NIPAL3: variants seen among roughly 807,000 people sequenced by gnomAD.
NIPAL3 encodes NIPA-like protein 3.
In NIPAL3, 41 loss-of-function variants were observed where a neutral mutation model predicts 47.2. The ratio of observed to expected loss-of-function variants is 0.87; its 90% CI spans 0.68 to 1.13. NIPAL3 has a LOEUF of 1.13. Ranked by LOEUF, NIPAL3 falls within the 50% of genes most tolerant of loss-of-function variation. NIPAL3 has a pLI of 0.00. For synonymous variants in NIPAL3, 194 were observed against 209.6 expected (o/e 0.93, Z 0.64); for missense variants, 449 against 530.1 (o/e 0.85, Z 1.50).
At chr1:24,459,799 G>T (rs1034251537) in intron 9 of NIPAL3, among the ~76,000 whole-genome samples, 2 of 152,242 alleles carry the variant, frequency 1.3e-5, no homozygotes, top group Non-Finnish European at 2.9e-5. Flanking sequence ...GTCAAGAAGC[G>T]TGAAGTCCAG....
Position 24,454,167 on chromosome 1 carries a change from C to T in NIPAL3, c.637+663C>T, listed in dbSNP as rs982627601. On this transcript the variant is annotated intron_variant, in intron 7 of 11. Transcript: ENST00000374399. This position sits in a 1 kb window ranked among gnomAD's most constrained non-coding sequence, Gnocchi z 4.1. ...TCGGCCTCCCAAAGTGCCAGGATTA[C>T]AGGCATGAGGCCCTGTACCTGGCTA... 1.1e-5 allele frequency: 13 copies of T among 1,236,990 alleles called. No individual in the cohort carries two copies. Among genetic ancestry groups the T allele is most frequent in the South Asian group, 1.4e-5 (1 of 70,300 alleles). The allele number at this position is 1,236,990 out of a possible 1,614,324, so 76.6% of individuals were successfully genotyped here.
At chr1:24,425,787 C>T (rs377054822) in intron 2 of NIPAL3, among the ~76,000 whole-genome samples, 39 of 152,142 alleles carry the variant, frequency 2.6e-4, no homozygotes, top group African/African-American at 9.4e-4. Context: ...TGAGAATGAC[C>T]GGAATTTACA....
At chr1:24,431,819 A>G (rs1425688528) in intron 2 of NIPAL3, among the ~76,000 whole-genome samples, 1 of 151,650 alleles carries the variant, frequency 6.6e-6, no homozygotes, top group Non-Finnish European at 1.5e-5. Flanking sequence ...GGAGCTTCCT[A>G]TGCGTTGTGG....
At position 24,454,581 on chromosome 1, in the gene NIPAL3, C is replaced by T. The variant is rs923319531; in HGVS notation, c.637+1077C>T. The T allele has an allele frequency of 3.1e-6, 3 of 968,642 alleles. No homozygotes were observed. Among genetic ancestry groups the T allele is most frequent in the Non-Finnish European group, 3.7e-6 (3 of 814,508 alleles). The allele number at this position is 968,642 out of a possible 1,614,324, so 60.0% of individuals were successfully genotyped here. A position where few individuals can be genotyped will look rare whatever the true frequency, so the allele number is the denominator to read the frequency against. On this transcript the variant is annotated intron_variant, in intron 7 of 11. Transcript: ENST00000374399. The surrounding 1 kb of genome is among the most constrained non-coding windows in gnomAD (Gnocchi z 4.1). ...CTCTGTTGAGATATAATTTACATACCATAAAGTTCACCTGTTTAAAGTATA... is the reference window on the plus strand; with the variant it reads ...CTCTGTTGAGATATAATTTACATACTATAAAGTTCACCTGTTTAAAGTATA...
At chr1:24,448,975 C>T (rs568633420) in intron 5 of NIPAL3, among the ~76,000 whole-genome samples, 12 of 152,312 alleles carry the variant, frequency 7.9e-5, no homozygotes, top group Middle Eastern at 3.4e-3. Context: ...ACAGTGAGAA[C>T]GAATGAACTG....
intron 2 of NIPAL3, among the ~76,000 whole-genome samples, chr1:24,433,907 T>A (rs1173524327): frequency 6.6e-6 from 1 of 152,172 alleles, no homozygotes; most frequent in Non-Finnish European, 1.5e-5. Context: ...AATTAAGGTG[T>A]TAATTATAAT....
At chr1:24,448,164 A>G (rs1037853965) in intron 5 of NIPAL3, among the ~76,000 whole-genome samples, 3 of 152,238 alleles carry the variant, frequency 2.0e-5, no homozygotes, top group Admixed American at 1.3e-4. Flanking sequence ...TTAACATGGT[A>G]TCACATTTTC....
chr1:24,457,701 C>CTGG (rs1251726042), intron 8 of NIPAL3: 1 of 528,672 alleles, frequency 1.9e-6, no homozygotes, highest in East Asian at 5.5e-5. Context: ...CAGCCCATGC[C>CTGG]CTCACTGCTC....
intron 2 of NIPAL3, among the ~76,000 whole-genome samples, chr1:24,420,331 G>A (rs572285380): frequency 6.6e-5 from 10 of 152,020 alleles, no homozygotes; most frequent in African/African-American, 2.2e-4. Flanking sequence ...GTGATACCCC[G>A]CCTGTACAAA....
chr1:24,445,380 C>A, intron 5 of NIPAL3, 136 bp downstream of exon 5: 1 of 567,048 alleles, frequency 1.8e-6, no homozygotes, highest in Non-Finnish European at 3.1e-6. Context: ...CCTCAACAGG[C>A]TCCTGAGAGC....
Position 24,458,987 on chromosome 1 carries a change from C to A in NIPAL3, c.862+11C>A. 1 of 1,611,272 alleles carries A rather than the reference C, an allele frequency of 6.2e-7. No individual in the cohort carries two copies. Among genetic ancestry groups the A allele is most frequent in the Non-Finnish European group, 8.5e-7 (1 of 1,177,570 alleles). ...TTGCTATCACAGCAGGTAAGGGTGA[C>A]CCATTGCTAGATTTCTGTCTTCTAC... On this transcript the variant is annotated intron_variant, in intron 9 of 11. Transcript: ENST00000374399.
chr1:24,468,912 C>T (rs1010515010), intron 11 of NIPAL3, 74 bp from the exon 12 acceptor site: 10 of 1,340,240 alleles, frequency 7.5e-6, no homozygotes, highest in African/African-American at 4.3e-5. Context: ...TAGTCTGTGG[C>T]GGGATAGAGG....
intron 6 of NIPAL3, among the ~76,000 whole-genome samples, chr1:24,452,869 T>C (rs1451372882): frequency 2.0e-5 from 3 of 149,132 alleles, no homozygotes; most frequent in African/African-American, 7.5e-5. Context: ...TTTTTTTTTT[T>C]TTTTGTATTT....
intron 10 of NIPAL3, among the ~76,000 whole-genome samples, chr1:24,462,124 G>C (rs1646498506): frequency 6.6e-6 from 1 of 152,160 alleles, no homozygotes; most frequent in Admixed American, 6.5e-5. Flanking sequence ...AAGGAGAGAA[G>C]TGCCAAGCAA....
In NIPAL3 at chr1:24,449,649, C is replaced by T. The variant is rs1645842076; in HGVS notation, c.540+23C>T. Reference sequence around the variant, plus strand: ...ATGGTAAGAGAAGCCTCCAGTCGTTCCCCCTGAGATGGCAGGAGGGAGATC... The same window carrying T: ...ATGGTAAGAGAAGCCTCCAGTCGTTTCCCCTGAGATGGCAGGAGGGAGATC... On this transcript the variant is annotated intron_variant, in intron 6 of 11. Coordinates refer to ENST00000374399, the MANE Select transcript of NIPAL3 (RefSeq NM_020448.5). The surrounding 1 kb of genome is among the most constrained non-coding windows in gnomAD (Gnocchi z 4.5). The T allele has an allele frequency of 3.7e-6, 6 of 1,604,296 alleles. No homozygotes were observed. Among genetic ancestry groups the T allele is most frequent in the African/African-American group, 1.3e-5 (1 of 74,786 alleles).
chr1:24,467,434 C>A (rs930929196), intron 11 of NIPAL3, among the ~76,000 whole-genome samples: 2 of 152,112 alleles, frequency 1.3e-5, no homozygotes, highest in Non-Finnish European at 2.9e-5. Flanking sequence ...CACGCCACTG[C>A]ACTCCAGCCT....
At chr1:24,461,794 G>T (rs1646484101) in intron 10 of NIPAL3, among the ~76,000 whole-genome samples, 1 of 152,032 alleles carries the variant, frequency 6.6e-6, no homozygotes, top group South Asian at 2.1e-4. Context: ...ACTTGAACCT[G>T]GGAGGTGGAG....
chr1:24,439,638 A>G (rs907447306), intron 2 of NIPAL3, among the ~76,000 whole-genome samples: 2 of 152,132 alleles, frequency 1.3e-5, no homozygotes, highest in Non-Finnish European at 2.9e-5. Flanking sequence ...TATGTTTGGT[A>G]ATCATTTTAG....
intron 2 of NIPAL3, among the ~76,000 whole-genome samples, chr1:24,437,471 T>C (rs934584873): frequency 7.9e-5 from 12 of 152,196 alleles, no homozygotes; most frequent in Admixed American, 2.0e-4. Flanking sequence ...GGGCTAATAA[T>C]AAACATGTCC....
Sources: gnomAD v4.1 joint callset for allele counts (sites outside exome capture counted in the v4.1 genomes callset) on GRCh38, gnomAD v4.1.1 for gene constraint, Gnocchi (gnomAD v3.1) non-coding constraint, MANE v1.5 for transcripts, NCBI Gene and HGNC (gene_info 2026-07-23, HGNC 2026-07-21) for gene names.